Variants in ADAMTS3 observed in about 807,000 individuals in gnomAD.
The protein encoded by ADAMTS3 is A disintegrin and metalloproteinase with thrombospondin motifs 3.
A neutral mutation model predicts 129.0 loss-of-function variants in ADAMTS3; 73 were observed. The ratio of observed to expected loss-of-function variants is 0.57; its 90% CI spans 0.47 to 0.69. The LOEUF (loss-of-function observed/expected upper bound fraction) is 0.69, where lower values mean the gene tolerates loss of function less well. Among genes scored for constraint, ADAMTS3 ranks in the 30% least tolerant of loss-of-function variants. The probability of loss-of-function intolerance (pLI) is 0.00; values close to 1 mark genes in which losing one functional copy is unlikely to be tolerated. For missense variants in ADAMTS3, 1,457 were observed against 1,514.5 expected (o/e 0.96, Z 0.63); for synonymous variants, 477 against 510.8 (o/e 0.93, Z 0.89).
intron 3 of ADAMTS3, among the ~76,000 whole-genome samples, chr4:72,540,283 T>C (rs1295647011): frequency 1.3e-5 from 2 of 152,154 alleles, no homozygotes; most frequent in Non-Finnish European, 2.9e-5. Flanking sequence ...CCTTAGAGTT[T>C]TGTGGAACTT....
chr4:72,335,051 C>G (rs1298764532), intron 5 of ADAMTS3, among the ~76,000 whole-genome samples: 1 of 152,112 alleles, frequency 6.6e-6, no homozygotes, highest in Non-Finnish European at 1.5e-5. Flanking sequence ...AACTTGTTCA[C>G]TTGACCCTTA....
chr4:72,314,421 A>G (rs190136644), intron 11 of ADAMTS3, among the ~76,000 whole-genome samples: 1 of 151,792 alleles, frequency 6.6e-6, no homozygotes, highest in East Asian at 1.9e-4. Context: ...CCATCTGACC[A>G]AGAAGTAATT....
chr4:72,317,962 GA>G (rs1719444545), intron 10 of ADAMTS3, among the ~76,000 whole-genome samples: 1 of 151,920 alleles, frequency 6.6e-6, no homozygotes, highest in Non-Finnish European at 1.5e-5. Flanking sequence ...TCAGGAGGCG[GA>G]GGTTGCAGTG....
chr4:72,309,309 G>T, intron 15 of ADAMTS3, 88 bp downstream of exon 15: 1 of 1,347,854 alleles, frequency 7.4e-7, no homozygotes, highest in South Asian at 1.3e-5. Flanking sequence ...TATGTTTATA[G>T]AGAAAATGCT....
intron 3 of ADAMTS3, among the ~76,000 whole-genome samples, chr4:72,450,795 C>A (rs533834066): frequency 6.6e-6 from 1 of 151,648 alleles, no homozygotes; most frequent in Admixed American, 6.6e-5. Flanking sequence ...GCTAGAAAGG[C>A]CTTCAAGAGA....
At chr4:72,467,954 T>C (rs1578707306) in intron 3 of ADAMTS3, among the ~76,000 whole-genome samples, 1 of 152,016 alleles carries the variant, frequency 6.6e-6, no homozygotes, top group Non-Finnish European at 1.5e-5. Flanking sequence ...TTAAGCTATA[T>C]TATATCATAT....
At chr4:72,457,518 T>C (rs1049709434) in intron 3 of ADAMTS3, among the ~76,000 whole-genome samples, 3 of 151,654 alleles carry the variant, frequency 2.0e-5, no homozygotes, top group African/African-American at 7.3e-5. Context: ...AAAATGCGGT[T>C]GTTCCTAGAT....
intron 2 of ADAMTS3, among the ~76,000 whole-genome samples, chr4:72,563,938 G>A (rs1167048422): frequency 1.3e-5 from 2 of 152,088 alleles, no homozygotes; most frequent in Non-Finnish European, 2.9e-5. Flanking sequence ...AATGTTTACT[G>A]GTCAATAACT....
At position 72,313,745 on chromosome 4, in the gene ADAMTS3, T is replaced by G; in HGVS notation, c.1677A>C (p.Lys559Asn). 6.2e-7 allele frequency: 1 copy of G among 1,613,884 alleles called. No individual in the cohort carries two copies. Among genetic ancestry groups the G allele is most frequent in the Non-Finnish European group, 8.5e-7 (1 of 1,179,890 alleles). The stretch of plus-strand genomic sequence containing the variant: ...CACATGTCCGAGAACAGGAGCCAAA[T>G]TTAGTCCATGACCCCCAATTGCCAT... ...KQDGNWGSWTKFGSCSRTCGT... is the reference protein window; with the variant it reads ...KQDGNWGSWTNFGSCSRTCGT... The change falls in exon 12 of 22, where the codon AAA (lysine) becomes AAC (asparagine). Residue 559 changes from lysine to asparagine, a missense_variant. Coordinates refer to ENST00000286657, the MANE Select transcript of ADAMTS3 (RefSeq NM_014243.3).
intron 3 of ADAMTS3, among the ~76,000 whole-genome samples, chr4:72,496,602 C>A (rs1485409366): frequency 6.6e-6 from 1 of 152,034 alleles, no homozygotes; most frequent in African/African-American, 2.4e-5. Context: ...GATTTTCCAG[C>A]CCACCAGGAC....
At chr4:72,430,799 G>A (rs1722678379) in intron 3 of ADAMTS3, among the ~76,000 whole-genome samples, 1 of 149,272 alleles carries the variant, frequency 6.7e-6, no homozygotes, top group Admixed American at 6.8e-5. Flanking sequence ...GGAAAGTCTG[G>A]TGATAGAGAC....
intron 3 of ADAMTS3, among the ~76,000 whole-genome samples, chr4:72,492,092 GA>G (rs1041565266): frequency 6.6e-6 from 1 of 151,396 alleles, no homozygotes; most frequent in East Asian, 1.9e-4. Context: ...TTTTATTTCA[GA>G]AAAAAATTGT....
Position 72,548,583 on chromosome 4 carries a change from C to G in ADAMTS3, c.399G>C (p.Thr133=), listed in dbSNP as rs139759074. Residue 133 remains threonine (T), a synonymous_variant, in exon 3 of 22, where the codon ACG becomes ACC. Transcript: ENST00000286657. ...PINNHQPGSA[T]YRIRRTEPLQ... ...AAGGCTCTGTTCTCCGGATTCTATA[C>G]GTAGCACTTCCTGGTTGATGGTTGT... 6.2e-7 allele frequency: 1 copy of G among 1,613,838 alleles called. No individual in the cohort carries two copies. The highest frequency in any genetic ancestry group is 8.5e-7 in the Non-Finnish European group (1 of 1,179,914).
At chr4:72,405,506 T>A (rs371060488) in intron 4 of ADAMTS3, among the ~76,000 whole-genome samples, 1 of 152,208 alleles carries the variant, frequency 6.6e-6, no homozygotes, top group African/African-American at 2.4e-5. Context: ...ATTTTCTTAA[T>A]ACTTAGTTCT....
Position 72,471,557 on chromosome 4 carries a change from A to G in ADAMTS3, c.505-56586T>C, listed in dbSNP as rs115605148. Among the ~76,000 whole-genome samples, 282 of 152,208 alleles carry G rather than the reference A, an allele frequency of 1.9e-3. 1 individual carries two copies. The highest frequency in any genetic ancestry group is 6.6e-3 in the African/African-American group (274 of 41,542). ...GTTTCATTTCCAACTGCATATGTTT[A>G]TAAGACCAGATTTTCTTCATATACT... On this transcript the variant is annotated intron_variant, in intron 3 of 21. Transcript: ENST00000286657.
chr4:72,562,607 C>T (rs2623543), intron 2 of ADAMTS3, among the ~76,000 whole-genome samples: 146,847 of 152,256 alleles, frequency 0.96, 71,052 homozygotes, highest in East Asian at 1. Flanking sequence ...AGTGTGTGTA[C>T]TGAAAGAAGT....
At chr4:72,290,807 G>A (rs1284434520) in intron 20 of ADAMTS3, 48 bp downstream of exon 20, 3 of 1,570,392 alleles carry the variant, frequency 1.9e-6, no homozygotes, top group Non-Finnish European at 2.6e-6. Flanking sequence ...ATCTACACAT[G>A]CTTACACACA....
At position 72,283,442 on chromosome 4, in the gene ADAMTS3, A is replaced by G; in HGVS notation, c.3312T>C (p.Ser1104=). The change falls in exon 22 of 22, where the codon AGT becomes AGC. Residue 1104 remains serine, a synonymous_variant. Transcript: ENST00000286657. ...SETPAKKMSL[S]SISSVGGPNA... is the part of the protein sequence containing the mutation. ...TTGGACCTCCCACTGAAGAGATGCTACTCAAAGACATCTTCTTTGCAGGGG... is the reference window on the plus strand; with the variant it reads ...TTGGACCTCCCACTGAAGAGATGCTGCTCAAAGACATCTTCTTTGCAGGGG... The G allele has an allele frequency of 6.2e-7, 1 of 1,614,050 alleles. No homozygotes were observed. Among genetic ancestry groups the G allele is most frequent in the Non-Finnish European group, 8.5e-7 (1 of 1,179,984 alleles).
chr4:72,391,496 C>T (rs528729905), intron 4 of ADAMTS3, among the ~76,000 whole-genome samples: 2 of 152,242 alleles, frequency 1.3e-5, no homozygotes, highest in East Asian at 3.9e-4. Flanking sequence ...AGTGAAAGCC[C>T]TTGTGAGTCA....
Sources: allele counts gnomAD v4.1 joint callset (sites outside exome capture counted in the v4.1 genomes callset), GRCh38; gene constraint gnomAD v4.1.1; transcripts MANE v1.5; gene names NCBI Gene and HGNC (gene_info 2026-07-23, HGNC 2026-07-21).